Variants in NREP observed in about 807,000 individuals in gnomAD.
NREP encodes the protein neuronal regeneration-related protein.
Under a neutral mutation model 8.6 loss-of-function variants are expected in NREP, and 5 were observed. The observed-to-expected ratio is 0.58, with a 90% confidence interval of 0.30 to 1.22. NREP has a LOEUF of 1.22. Ranked by LOEUF, NREP falls within the 50% of genes most tolerant of loss-of-function variation. The pLI is 0.07. For synonymous variants in NREP, 27 were observed against 28.0 expected, an observed-to-expected ratio of 0.96 and a Z score of 0.11; for missense variants, 86 against 82.5, an observed-to-expected ratio of 1.04 and a Z score of -0.17.
intron 2 of NREP, among the ~76,000 whole-genome samples, chr5:111,927,461 G>T (rs1182458619): frequency 6.6e-6 from 1 of 152,072 alleles, no homozygotes; most frequent in Non-Finnish European, 1.5e-5. Context: ...GTGGAAATGG[G>T]ACATGGTGTG....
chr5:111,963,653 A>C (rs777926169), intron 2 of NREP, among the ~76,000 whole-genome samples: 4 of 152,200 alleles, frequency 2.6e-5, no homozygotes, highest in Non-Finnish European at 5.9e-5. Flanking sequence ...GTTTGTACTC[A>C]AGACCAGTAG....
chr5:111,818,157 A>G (rs1038926008), intron 2 of NREP, among the ~76,000 whole-genome samples: 1 of 152,188 alleles, frequency 6.6e-6, no homozygotes, highest in Non-Finnish European at 1.5e-5. Context: ...ACATTAAATA[A>G]TTAGATCATA....
intron 2 of NREP, among the ~76,000 whole-genome samples, chr5:111,822,469 T>C (rs1241829378): frequency 6.6e-6 from 1 of 152,192 alleles, no homozygotes; most frequent in Admixed American, 6.5e-5. Flanking sequence ...AGGCTATCAA[T>C]CGGGATTCCT....
chr5:111,786,390 G>C (rs1416027719), intron 2 of NREP, among the ~76,000 whole-genome samples: 2 of 152,190 alleles, frequency 1.3e-5, no homozygotes, highest in Non-Finnish European at 2.9e-5. Context: ...CGTGAGAACA[G>C]ACTAATACAG....
chr5:111,911,565 T>C (rs1409122023), intron 2 of NREP, among the ~76,000 whole-genome samples: 1 of 152,076 alleles, frequency 6.6e-6, no homozygotes, highest in Non-Finnish European at 1.5e-5. Context: ...AGATATGTTA[T>C]ATGCTTGGAC....
At chr5:111,952,518 T>C (rs1471790060) in intron 2 of NREP, among the ~76,000 whole-genome samples, 2 of 152,176 alleles carry the variant, frequency 1.3e-5, no homozygotes, top group Admixed American at 1.3e-4. Flanking sequence ...GTCCTCTTCC[T>C]TGTGGATATT....
intron 2 of NREP, among the ~76,000 whole-genome samples, chr5:111,798,181 G>T (rs987676520): frequency 2.0e-5 from 3 of 152,016 alleles, no homozygotes; most frequent in Non-Finnish European, 4.4e-5. Context: ...TGAAAGGCAG[G>T]TCAAATTTAA....
intron 2 of NREP, among the ~76,000 whole-genome samples, chr5:111,903,565 G>C (rs1754703297): frequency 6.6e-6 from 1 of 152,086 alleles, no homozygotes; most frequent in African/African-American, 2.4e-5. Flanking sequence ...AGTTTCAGCT[G>C]GGTATGGTAA....
At chr5:111,861,490 T>C (rs1753542294) in intron 2 of NREP, among the ~76,000 whole-genome samples, 1 of 152,168 alleles carries the variant, frequency 6.6e-6, no homozygotes, top group Non-Finnish European at 1.5e-5. Context: ...CAGTATTTCT[T>C]TCTGTGCTTA....
At chr5:111,850,202 G>A (rs755397276) in intron 2 of NREP, among the ~76,000 whole-genome samples, 2 of 151,930 alleles carry the variant, frequency 1.3e-5, no homozygotes, top group African/African-American at 2.4e-5. Context: ...CCACTATTTA[G>A]TAGCTATAAC....
rs189963169 is a variant in NREP, at chr5:111,949,721, G to A, written c.135+25553C>T. ...TGTGTTAGTTTGCTGAAAATGATGGGTTCCAGCTTCATCCATGTCCCTGCA... is the reference window on the plus strand; with the variant it reads ...TGTGTTAGTTTGCTGAAAATGATGGATTCCAGCTTCATCCATGTCCCTGCA... On this transcript the variant is annotated intron_variant, in intron 2 of 3. Transcript: ENST00000395634. Among the ~76,000 whole-genome samples the A allele has an allele frequency of 4.3e-3, 649 of 152,064 alleles. 1 individual carries two copies. The highest frequency in any genetic ancestry group is 1.0e-2 in the Admixed American group (152 of 15,250).
intron 2 of NREP, among the ~76,000 whole-genome samples, chr5:111,865,129 T>C (rs1753636045): frequency 6.6e-6 from 1 of 152,136 alleles, no homozygotes; most frequent in South Asian, 2.1e-4. Flanking sequence ...ACCACTACAG[T>C]TCTCCCAGTG....
intron 2 of NREP, among the ~76,000 whole-genome samples, chr5:111,786,488 ACT>A (rs1751614409): frequency 6.6e-6 from 1 of 151,888 alleles, no homozygotes; most frequent in South Asian, 2.1e-4. Context: ...CTTCAACAGG[ACT>A]CTCTTAAATA....
intron 2 of NREP, among the ~76,000 whole-genome samples, chr5:111,885,362 A>G (rs1279525384): frequency 7.2e-5 from 11 of 151,812 alleles, no homozygotes; most frequent in African/African-American, 7.2e-5. Flanking sequence ...CATGCTCATG[A>G]GTAGGAAGAA....
intron 2 of NREP, among the ~76,000 whole-genome samples, chr5:111,838,383 T>C (rs572669532): frequency 6.6e-6 from 1 of 152,274 alleles, no homozygotes; most frequent in South Asian, 2.1e-4. Flanking sequence ...TAGTTTTATG[T>C]GTCAACTTGA....
At chr5:111,917,809 T>C (rs1444047901) in intron 2 of NREP, among the ~76,000 whole-genome samples, 1 of 152,200 alleles carries the variant, frequency 6.6e-6, no homozygotes, top group Non-Finnish European at 1.5e-5. Flanking sequence ...AAGACAGGGA[T>C]GCCCTCTCTC....
At chr5:111,937,221 A>C (rs1434503650) in intron 2 of NREP, among the ~76,000 whole-genome samples, 1 of 152,086 alleles carries the variant, frequency 6.6e-6, no homozygotes, top group Non-Finnish European at 1.5e-5. Context: ...CAAAAGCAAA[A>C]ACTGGACTTT....
intron 2 of NREP, among the ~76,000 whole-genome samples, chr5:111,858,563 T>C (rs1753475806): frequency 6.6e-6 from 1 of 152,070 alleles, no homozygotes; most frequent in Non-Finnish European, 1.5e-5. Flanking sequence ...AACAGGAGCA[T>C]CGCTTCAGCC....
At chr5:111,824,803 C>T (rs1752585249) in intron 2 of NREP, among the ~76,000 whole-genome samples, 1 of 152,264 alleles carries the variant, frequency 6.6e-6, no homozygotes, top group South Asian at 2.1e-4. Flanking sequence ...ATTTAGCACA[C>T]AGTTGTTCCA....
Sources: gnomAD v4.1 joint callset for allele counts (sites outside exome capture counted in the v4.1 genomes callset) on GRCh38, gnomAD v4.1.1 for gene constraint, MANE v1.5 for transcripts, NCBI Gene and HGNC (gene_info 2026-07-23, HGNC 2026-07-21) for gene names.